ERBB4: variants seen among roughly 807,000 people sequenced by gnomAD.
ERBB4 encodes receptor tyrosine-protein kinase erbB-4.
Under a neutral mutation model 158.0 loss-of-function variants are expected in ERBB4, and 42 were observed. The observed-to-expected ratio is 0.27, with a 90% confidence interval of 0.21 to 0.34. The LOEUF (loss-of-function observed/expected upper bound fraction) is 0.34. ERBB4 is among the 10% of genes least tolerant of loss of function. The probability of loss-of-function intolerance (pLI) is 1.00; values close to 1 mark genes in which losing one functional copy is unlikely to be tolerated. For missense variants in ERBB4, 1,333 were observed against 1,624.1 expected, an observed-to-expected ratio of 0.82 and a Z score of 3.08; for synonymous variants, 583 against 558.7, an observed-to-expected ratio of 1.04 and a Z score of -0.61.
chr2:211,469,966 G>A (rs1040159251), intron 20 of ERBB4, among the ~76,000 whole-genome samples: 2 of 151,904 alleles, frequency 1.3e-5, no homozygotes, highest in Non-Finnish European at 2.9e-5. Context: ...GATACCTGAG[G>A]AATTGGGGTA....
intron 3 of ERBB4, among the ~76,000 whole-genome samples, chr2:211,852,457 G>C (rs2077741434): frequency 6.6e-6 from 1 of 151,890 alleles, no homozygotes; most frequent in Admixed American, 6.6e-5. Context: ...GTCTACTGCA[G>C]TAAAGTAGGT....
At chr2:211,724,492 C>T (rs138154497) in intron 6 of ERBB4, among the ~76,000 whole-genome samples, 5 of 150,844 alleles carry the variant, frequency 3.3e-5, no homozygotes, top group African/African-American at 9.8e-5. Flanking sequence ...CTGGTGTTCT[C>T]GGTATATGAA....
intron 20 of ERBB4, among the ~76,000 whole-genome samples, chr2:211,461,335 C>A (rs909874781): frequency 2.0e-5 from 3 of 151,910 alleles, no homozygotes; most frequent in Admixed American, 6.6e-5. Flanking sequence ...GAAATCGGAG[C>A]TGATTTCAAG....
intron 3 of ERBB4, among the ~76,000 whole-genome samples, chr2:211,797,424 C>T (rs981527423): frequency 6.6e-5 from 10 of 151,878 alleles, no homozygotes; most frequent in African/African-American, 2.4e-4. Context: ...GTGATTTCTA[C>T]ACTATTTCTT....
intron 1 of ERBB4, among the ~76,000 whole-genome samples, chr2:212,341,885 C>T (rs187058067): frequency 1.1e-3 from 160 of 152,232 alleles, no homozygotes; most frequent in Non-Finnish European, 2.0e-3. Flanking sequence ...CTTAGAAGAG[C>T]AACAATAGCA....
chr2:211,560,388 C>T (rs2067358369), intron 20 of ERBB4, among the ~76,000 whole-genome samples: 1 of 147,650 alleles, frequency 6.8e-6, no homozygotes, highest in Non-Finnish European at 1.5e-5. Flanking sequence ...AATTCTTCTG[C>T]CTCAGCCTCC....
chr2:212,240,087 C>G (rs996573105), intron 1 of ERBB4, among the ~76,000 whole-genome samples: 26 of 152,094 alleles, frequency 1.7e-4, no homozygotes, highest in African/African-American at 6.3e-4. Context: ...TGTACTGATA[C>G]TCGTAGCAAA....
At chr2:212,175,343 T>C (rs756203024) in intron 1 of ERBB4, among the ~76,000 whole-genome samples, 1 of 152,032 alleles carries the variant, frequency 6.6e-6, no homozygotes, top group African/African-American at 2.4e-5. Context: ...TTGAGACAGC[T>C]AAATCCTCTT....
chr2:211,618,347 TA>T (rs938474229), intron 19 of ERBB4, among the ~76,000 whole-genome samples: 3 of 152,138 alleles, frequency 2.0e-5, no homozygotes, highest in African/African-American at 4.8e-5. Flanking sequence ...CTTATTTATG[TA>T]AATAAAAAGT....
At chr2:211,930,366 T>C (rs1033661687) in intron 3 of ERBB4, among the ~76,000 whole-genome samples, 7 of 152,204 alleles carry the variant, frequency 4.6e-5, no homozygotes, top group African/African-American at 1.7e-4. Flanking sequence ...AATTACCTTA[T>C]TTACGGAGTA....
At chr2:212,126,383 C>T (rs2125575293) in intron 1 of ERBB4, among the ~76,000 whole-genome samples, 1 of 143,536 alleles carries the variant, frequency 7.0e-6, no homozygotes, top group East Asian at 2.1e-4. Context: ...TAACTTGAAT[C>T]TGGGAGGAGG....
chr2:211,877,211 G>T (rs539754242), intron 3 of ERBB4, among the ~76,000 whole-genome samples: 2 of 152,176 alleles, frequency 1.3e-5, no homozygotes, highest in Non-Finnish European at 2.9e-5. Context: ...GCATTATGAC[G>T]TGGTGGCTGA....
At chr2:211,882,951 T>G (rs2078701473) in intron 3 of ERBB4, among the ~76,000 whole-genome samples, 1 of 152,222 alleles carries the variant, frequency 6.6e-6, no homozygotes, top group African/African-American at 2.4e-5. Flanking sequence ...CTCCCTTTAC[T>G]GGGTATATAC....
chr2:211,707,856 T>C (rs2073507883), intron 9 of ERBB4, among the ~76,000 whole-genome samples: 1 of 152,148 alleles, frequency 6.6e-6, no homozygotes, highest in South Asian at 2.1e-4. Context: ...CCAGTAAATA[T>C]ATTTTGTGGA....
intron 20 of ERBB4, among the ~76,000 whole-genome samples, chr2:211,449,870 C>CA: frequency 1.3e-5 from 2 of 152,232 alleles, no homozygotes; most frequent in Middle Eastern, 6.8e-3. Flanking sequence ...AATTAACATT[C>CA]AAGTGTTTAT....
At chr2:212,250,975 G>A (rs1159196153) in intron 1 of ERBB4, among the ~76,000 whole-genome samples, 1 of 151,934 alleles carries the variant, frequency 6.6e-6, no homozygotes, top group African/African-American at 2.4e-5. Flanking sequence ...TTTGCAACAA[G>A]GGGAAGTTTT....
At chr2:211,662,038 C>CAAAAAAAAAAAAAAAAAAAA (rs61318918) in intron 15 of ERBB4, among the ~76,000 whole-genome samples, 2 of 39,694 alleles carry the variant, frequency 5.0e-5, no homozygotes, top group Non-Finnish European at 4.5e-5. Context: ...GACTCCGTCT[C>CAAAAAAAAAAAAAAAAAAAA]AAAAAAAAAA....
chr2:212,196,160 C>T (rs1016475584), intron 1 of ERBB4, among the ~76,000 whole-genome samples: 6 of 152,020 alleles, frequency 3.9e-5, no homozygotes, highest in Admixed American at 6.6e-5. Context: ...CTACTGCTGG[C>T]TGGAAGCTTT....
chr2:211,607,889 A>G (rs901866120), intron 19 of ERBB4, among the ~76,000 whole-genome samples: 4 of 4,762 alleles, frequency 8.4e-4, no homozygotes, highest in Admixed American at 4.3e-3. Context: ...TTTTTTTTTT[A>G]GACAGGGTCT....
Sources: allele counts gnomAD v4.1 joint callset (sites outside exome capture counted in the v4.1 genomes callset), GRCh38; gene constraint gnomAD v4.1.1; transcripts MANE v1.5; gene names NCBI Gene and HGNC (gene_info 2026-07-23, HGNC 2026-07-21).